KIF26B: variants seen among roughly 807,000 people sequenced by gnomAD.
KIF26B encodes kinesin family member 26B.
KIF26B carries 63 observed loss-of-function variants against 151.2 expected under a neutral mutation model. The observed-to-expected ratio is 0.42, with a 90% confidence interval of 0.34 to 0.51. The LOEUF is 0.51. Among genes scored for constraint, KIF26B ranks in the 20% least tolerant of loss-of-function variants. KIF26B has a pLI of 0.07. For missense variants in KIF26B, 2,813 were observed against 2,913.6 expected, an observed-to-expected ratio of 0.97 and a Z score of 0.79; for synonymous variants, 1,357 against 1,262.1, an observed-to-expected ratio of 1.08 and a Z score of -1.59.
chr1:245,426,650 C>T (rs940913797), intron 4 of KIF26B, among the ~76,000 whole-genome samples: 43 of 152,154 alleles, frequency 2.8e-4, no homozygotes, highest in African/African-American at 9.2e-4. Flanking sequence ...CAGAGGTTGC[C>T]GTAGTGTTAA....
chr1:245,424,135 C>T lies in KIF26B; in HGVS notation c.1166+4390C>T, dbSNP rs147062446. Among the ~76,000 whole-genome samples, 267 of 152,126 alleles carry T rather than the reference C, an allele frequency of 1.8e-3. 1 individual carries two copies. Among genetic ancestry groups the T allele is most frequent in the African/African-American group, 6.3e-3 (261 of 41,500 alleles). On this transcript the variant is annotated intron_variant, in intron 4 of 14. Coordinates refer to ENST00000407071, the MANE Select transcript of KIF26B (RefSeq NM_018012.4). ...CTGGGATTATAGTCATGAGCCACTG[C>T]ACCTGGCCTAAAATTTATTCATTTA...
intron 9 of KIF26B, among the ~76,000 whole-genome samples, chr1:245,637,074 G>A (rs967248490): frequency 2.0e-5 from 3 of 152,016 alleles, no homozygotes; most frequent in Non-Finnish European, 4.4e-5. Context: ...CTACTTTTAA[G>A]TTTTTTGAGA....
chr1:245,588,531 C>T (rs1183376272), intron 5 of KIF26B, among the ~76,000 whole-genome samples: 1 of 152,230 alleles, frequency 6.6e-6, no homozygotes, highest in Non-Finnish European at 1.5e-5. Context: ...TCCTTCACTT[C>T]ACCCAGGCTG....
chr1:245,508,585 A>C (rs1391890772), intron 4 of KIF26B, among the ~76,000 whole-genome samples: 1 of 151,618 alleles, frequency 6.6e-6, no homozygotes, highest in Non-Finnish European at 1.5e-5. Context: ...TTTTCTGCTA[A>C]TTATTTTGGT....
intron 2 of KIF26B, among the ~76,000 whole-genome samples, chr1:245,172,330 G>A (rs1226813068): frequency 2.6e-5 from 4 of 152,146 alleles, no homozygotes; most frequent in East Asian, 1.9e-4. Context: ...TACAGGCCCC[G>A]CCTAAGAAGT....
At chr1:245,633,212 CTTCA>C (rs1173935693) in intron 9 of KIF26B, among the ~76,000 whole-genome samples, 1 of 150,472 alleles carries the variant, frequency 6.6e-6, no homozygotes, top group African/African-American at 2.4e-5. Flanking sequence ...TTTTCCATCC[CTTCA>C]TTTTCATTCT....
chr1:245,492,301 T>G (rs1660424840), intron 4 of KIF26B, among the ~76,000 whole-genome samples: 1 of 152,238 alleles, frequency 6.6e-6, no homozygotes, highest in Non-Finnish European at 1.5e-5. Context: ...GGTGTTTTGT[T>G]GAAGCAGTCT....
At chr1:245,377,730 C>T (rs1289827309) in intron 3 of KIF26B, among the ~76,000 whole-genome samples, 1 of 152,096 alleles carries the variant, frequency 6.6e-6, no homozygotes, top group Non-Finnish European at 1.5e-5. Flanking sequence ...CCTTGCTGAA[C>T]CACTTCTGAA....
At chr1:245,237,069 G>T (rs115678182) in intron 2 of KIF26B, among the ~76,000 whole-genome samples, 485 of 152,312 alleles carry the variant, frequency 3.2e-3, no homozygotes, top group African/African-American at 0.011. Context: ...TGAAGATCGT[G>T]GTGTCTTCAG....
chr1:245,578,252 C>T (rs1333249547), intron 5 of KIF26B, among the ~76,000 whole-genome samples: 1 of 152,232 alleles, frequency 6.6e-6, no homozygotes, highest in African/African-American at 2.4e-5. Context: ...TGCTGACCCT[C>T]CACATACCCA....
intron 2 of KIF26B, among the ~76,000 whole-genome samples, chr1:245,235,524 T>C (rs1441945023): frequency 2.6e-5 from 4 of 151,990 alleles, no homozygotes; most frequent in African/African-American, 9.7e-5. Context: ...GCCTAAGAGT[T>C]TGAGGTTGCA....
intron 2 of KIF26B, among the ~76,000 whole-genome samples, chr1:245,174,881 T>A (rs1436502753): frequency 6.6e-6 from 1 of 152,208 alleles, no homozygotes; most frequent in East Asian, 1.9e-4. Flanking sequence ...TTTTTGCAGG[T>A]GTCTCATGCT....
chr1:245,551,587 C>T (rs1037719964), intron 5 of KIF26B, among the ~76,000 whole-genome samples: 7 of 152,130 alleles, frequency 4.6e-5, no homozygotes, highest in Non-Finnish European at 1.0e-4. Context: ...CTACAGGGGG[C>T]TCAGAGGTGC....
chr1:245,201,842 C>T (rs1161408083), intron 2 of KIF26B, among the ~76,000 whole-genome samples: 1 of 152,186 alleles, frequency 6.6e-6, no homozygotes, highest in South Asian at 2.1e-4. Flanking sequence ...TTACCCCCAG[C>T]TACTCTGCAG....
intron 10 of KIF26B, among the ~76,000 whole-genome samples, chr1:245,675,623 G>A (rs1012992027): frequency 3.3e-5 from 5 of 152,120 alleles, no homozygotes; most frequent in African/African-American, 7.2e-5. Context: ...TTGGATGAAC[G>A]AAGTATCTGA....
rs80135322 is a variant in KIF26B at position 245,309,078 on chromosome 1, C to G, written c.466-57756C>G. Among the ~76,000 whole-genome samples the G allele has an allele frequency of 3.3e-3, 509 of 152,278 alleles. 1 individual carries two copies. The highest frequency in any genetic ancestry group is 0.012 in the African/African-American group (481 of 41,568). On this transcript the variant is annotated intron_variant, in intron 2 of 14. Coordinates refer to ENST00000407071, the MANE Select transcript of KIF26B (RefSeq NM_018012.4). ...GTGGCTCTCACCCTTGATGGACAAT[C>G]AGGACATTCTAGCAAATGTGCATTG...
chr1:245,186,050 T>G (rs1236667261), intron 2 of KIF26B, among the ~76,000 whole-genome samples: 3 of 152,056 alleles, frequency 2.0e-5, no homozygotes, highest in Admixed American at 2.0e-4. Context: ...AATTTTTGTA[T>G]TTTTAGTAGA....
chr1:245,393,493 CAT>C (rs1558148871), intron 3 of KIF26B, among the ~76,000 whole-genome samples: 2 of 152,060 alleles, frequency 1.3e-5, no homozygotes, highest in Non-Finnish European at 2.9e-5. Context: ...TCTTTTGTAT[CAT>C]ATGTTTTCCT....
At chr1:245,250,465 A>G (rs755469778) in intron 2 of KIF26B, among the ~76,000 whole-genome samples, 1 of 152,196 alleles carries the variant, frequency 6.6e-6, no homozygotes, top group Non-Finnish European at 1.5e-5. Context: ...AAGCGGTGCT[A>G]TAATAAACTT....
Sources: gnomAD v4.1 joint callset for allele counts (sites outside exome capture counted in the v4.1 genomes callset) on GRCh38, gnomAD v4.1.1 for gene constraint, MANE v1.5 for transcripts, NCBI Gene and HGNC (gene_info 2026-07-23, HGNC 2026-07-21) for gene names.